DZIP3: variants seen among roughly 807,000 people sequenced by gnomAD.
The protein encoded by DZIP3 is E3 ubiquitin-protein ligase DZIP3.
A neutral mutation model predicts 162.0 loss-of-function variants in DZIP3; 118 were observed. The ratio of observed to expected loss-of-function variants is 0.73; its 90% CI spans 0.63 to 0.85. DZIP3 has a LOEUF of 0.85. DZIP3 is among the 40% of genes least tolerant of loss of function. The pLI is 0.00. For missense variants in DZIP3, 1,331 were observed against 1,407.0 expected, an observed-to-expected ratio of 0.95 and a Z score of 0.86; for synonymous variants, 438 against 458.6, an observed-to-expected ratio of 0.96 and a Z score of 0.57.
At chr3:108,606,372 T>A (rs891062343) in intron 2 of DZIP3, among the ~76,000 whole-genome samples, 2 of 152,214 alleles carry the variant, frequency 1.3e-5, no homozygotes, top group Non-Finnish European at 2.9e-5. Flanking sequence ...GACTTATTAA[T>A]TTATTTTACA....
intron 11 of DZIP3, 131 bp from the exon 12 acceptor site, chr3:108,637,365 T>A: frequency 1.2e-6 from 1 of 810,600 alleles, no homozygotes; most frequent in Non-Finnish European, 2.0e-6. Context: ...TTGTTATTCA[T>A]GTTTTGTTTG....
At chr3:108,664,927 C>T (rs973982966) in intron 21 of DZIP3, among the ~76,000 whole-genome samples, 5 of 152,162 alleles carry the variant, frequency 3.3e-5, no homozygotes, top group Non-Finnish European at 7.3e-5. Flanking sequence ...CCCACTTTTC[C>T]TGGGGTGCTT....
intron 24 of DZIP3, among the ~76,000 whole-genome samples, chr3:108,674,615 C>T (rs1944038081): frequency 6.6e-6 from 1 of 151,742 alleles, no homozygotes; most frequent in African/African-American, 2.4e-5. Flanking sequence ...AATTGTTTTC[C>T]TTTGTAATGA....
chr3:108,640,447 C>T (rs1423126734), intron 12 of DZIP3, among the ~76,000 whole-genome samples: 10 of 116,120 alleles, frequency 8.6e-5, no homozygotes, highest in East Asian at 2.3e-4. Context: ...ATTTAACATC[C>T]TTTTTTTTTT....
rs567547292 is a variant in DZIP3, at chr3:108,657,245, C to T, written c.2199+2935C>T. Among the ~76,000 whole-genome samples, 793 of 152,178 alleles carry T rather than the reference C, an allele frequency of 5.2e-3. 6 individuals are homozygous for T. The highest frequency in any genetic ancestry group is 0.018 in the African/African-American group (764 of 41,500). On this transcript the variant is annotated intron_variant, in intron 19 of 32. Coordinates refer to ENST00000361582, the MANE Select transcript of DZIP3 (RefSeq NM_014648.4). ...GTTAAGGGCAGCCAGAGAGAAAGGT[C>T]GGGTTACCCACAAAGGGAAGCCCAT...
At chr3:108,650,888 A>G (rs150381539) in intron 17 of DZIP3, among the ~76,000 whole-genome samples, 1 of 151,770 alleles carries the variant, frequency 6.6e-6, no homozygotes, top group East Asian at 1.9e-4. Flanking sequence ...AAAAAAAGGA[A>G]ATAGGAATTA....
chr3:108,614,521 G>A (rs1940892205), intron 4 of DZIP3, among the ~76,000 whole-genome samples: 5 of 152,252 alleles, frequency 3.3e-5, no homozygotes, highest in Admixed American at 2.6e-4. Flanking sequence ...ACCTTTTGTA[G>A]CAGATTCTGT....
chr3:108,615,470 C>T (rs1475880704), intron 4 of DZIP3, among the ~76,000 whole-genome samples: 1 of 151,982 alleles, frequency 6.6e-6, no homozygotes, highest in African/African-American at 2.4e-5. Context: ...GGTTACTTTA[C>T]CTAGAGAACA....
Position 108,631,055 on chromosome 3 carries a change from A to ACACACTCTCT in DZIP3, c.696+1880_696+1881insACACTCTCTC. ...CACACACACACACACACACACACACACTCTCTCTCTCTCTCTCTCTCTCTC... is the reference window on the plus strand; with the variant it reads ...CACACACACACACACACACACACACACACACTCTCTCTCTCTCTCTCTCTCTCTCTCTCTC... On this transcript the variant is annotated intron_variant, in intron 8 of 32. Coordinates refer to ENST00000361582, the MANE Select transcript of DZIP3 (RefSeq NM_014648.4). Among the ~76,000 whole-genome samples the ACACACTCTCT allele has an allele frequency of 3.8e-3, 69 of 18,012 alleles. 3 individuals carry two copies. The highest frequency in any genetic ancestry group is 0.062 in the Middle Eastern group (1 of 16). The allele number at this position is 18,012 out of a possible 152,430, so 11.8% of individuals were successfully genotyped here.
At chr3:108,677,943 C>A (rs1944170728) in intron 26 of DZIP3, among the ~76,000 whole-genome samples, 1 of 152,048 alleles carries the variant, frequency 6.6e-6, no homozygotes, top group African/African-American at 2.4e-5. Flanking sequence ...AGGTCCCCAA[C>A]CTCTGGGCCA....
chr3:108,694,215 C>G lies in DZIP3; in HGVS notation c.*862C>G, dbSNP rs577914423. The G allele has an allele frequency of 6.6e-6, 1 of 151,776 alleles. No homozygotes were observed. Among genetic ancestry groups the G allele is most frequent in the Admixed American group, 6.6e-5 (1 of 15,222 alleles). 9.4% of individuals were successfully genotyped at this position (151,776 alleles called of 1,614,324 possible). On this transcript the variant is annotated 3_prime_UTR_variant, in exon 33 of 33. Transcript: ENST00000361582. ...TCTGTTTCTGTAACTGTATGTTAAA[C>G]GTATTCTTCTGTAATGAGAATAGAC...
At chr3:108,627,204 C>T (rs868398652) in intron 7 of DZIP3, among the ~76,000 whole-genome samples, 4 of 152,296 alleles carry the variant, frequency 2.6e-5, no homozygotes, top group Middle Eastern at 3.4e-3. Context: ...AGAATATATC[C>T]TGCTGTCCTT....
chr3:108,635,012 C>T, intron 10 of DZIP3, 40 bp downstream of exon 10: 3 of 1,264,952 alleles, frequency 2.4e-6, no homozygotes, highest in Non-Finnish European at 3.4e-6. Flanking sequence ...GCATTTCTTC[C>T]TCTACCCTTT....
chr3:108,615,660 G>C (rs550207153), intron 4 of DZIP3, among the ~76,000 whole-genome samples: 1 of 152,170 alleles, frequency 6.6e-6, no homozygotes, highest in Non-Finnish European at 1.5e-5. Context: ...AAACCAAGCC[G>C]TTGTGGGTAG....
intron 7 of DZIP3, 68 bp from the exon 8 acceptor site, chr3:108,628,994 G>A: frequency 1.1e-6 from 1 of 932,866 alleles, no homozygotes; most frequent in Non-Finnish European, 1.6e-6. Context: ...GTTATTTGTT[G>A]TCTCATTGGT....
At chr3:108,631,464 C>A (rs1212480938) in intron 8 of DZIP3, among the ~76,000 whole-genome samples, 1 of 151,730 alleles carries the variant, frequency 6.6e-6, no homozygotes, top group Non-Finnish European at 1.5e-5. Context: ...GCAGCCTCAA[C>A]CTCCTGTGCT....
intron 17 of DZIP3, 77 bp downstream of exon 17, chr3:108,649,039 A>G: frequency 1.1e-6 from 1 of 885,460 alleles, no homozygotes. Context: ...TTAGAACTTA[A>G]ATTAGTTCAA....
chr3:108,636,728 C>T lies in DZIP3; in HGVS notation c.1011+20C>T. 2 of 932,566 alleles carry T rather than the reference C, an allele frequency of 2.1e-6. No homozygotes were observed. The highest frequency in any genetic ancestry group is 2.9e-5 in the Admixed American group (1 of 34,832). 57.8% of individuals were successfully genotyped at this position (932,566 alleles called of 1,614,324 possible). A position where few individuals can be genotyped will look rare whatever the true frequency, so the allele number is the denominator to read the frequency against. On this transcript the variant is annotated intron_variant, in intron 11 of 32. Transcript: ENST00000361582. ...ATTTTGGTGAGTATCTTGTTTTGTC[C>T]TTTTTTTTTTTTCTTGCTTTCCTTC...
At chr3:108,681,734 G>A (rs1224667210) in intron 26 of DZIP3, among the ~76,000 whole-genome samples, 1 of 143,998 alleles carries the variant, frequency 6.9e-6, no homozygotes, top group Non-Finnish European at 1.5e-5. Flanking sequence ...TATACACCAT[G>A]GAATACTCTG....
Sources: gnomAD v4.1 joint callset for allele counts (sites outside exome capture counted in the v4.1 genomes callset) on GRCh38, gnomAD v4.1.1 for gene constraint, MANE v1.5 for transcripts, NCBI Gene and HGNC (gene_info 2026-07-23, HGNC 2026-07-21) for gene names.